The following SEL1L variants were observed in gnomAD, a reference collection of about 807,000 sequenced individuals.
The protein encoded by SEL1L is SEL1L adaptor subunit of SYVN1 ubiquitin ligase.
SEL1L carries 52 observed loss-of-function variants against 109.8 expected under a neutral mutation model. That is an observed-to-expected ratio of 0.47 (90% CI 0.38 to 0.60). The LOEUF (loss-of-function observed/expected upper bound fraction) is 0.60. Among genes scored for constraint, SEL1L ranks in the 20% least tolerant of loss-of-function variants. The probability of loss-of-function intolerance (pLI) is 0.00; values close to 1 mark genes in which losing one functional copy is unlikely to be tolerated. For missense variants in SEL1L, 749 were observed against 962.2 expected (o/e 0.78, Z 2.93); for synonymous variants, 373 against 339.6 (o/e 1.10, Z -1.08).
chr14:81,479,755 A>C lies in SEL1L; in HGVS notation c.2047-15T>G. On this transcript the variant is annotated splice_polypyrimidine_tract_variant and intron_variant, in intron 19 of 20. Transcript: ENST00000336735. ...AGGTGAATATCCTATAATACAGGTAAGAAACAAAAATGCATTTCTTGTCAA... is the reference window on the plus strand; with the variant it reads ...AGGTGAATATCCTATAATACAGGTACGAAACAAAAATGCATTTCTTGTCAA... 1 of 1,576,874 alleles carries C rather than the reference A, an allele frequency of 6.3e-7. No homozygotes were observed. Among genetic ancestry groups the C allele is most frequent in the Non-Finnish European group, 8.6e-7 (1 of 1,162,056 alleles).
intron 6 of SEL1L, among the ~76,000 whole-genome samples, 194 bp downstream of exon 6, chr14:81,502,527 G>A (rs1442721078): frequency 6.6e-6 from 1 of 152,202 alleles, no homozygotes; most frequent in East Asian, 1.9e-4. Context: ...CTGCAAAAAT[G>A]TCTTCCATGA....
intron 3 of SEL1L, among the ~76,000 whole-genome samples, chr14:81,511,067 A>G (rs916243258): frequency 4.6e-5 from 7 of 152,240 alleles, no homozygotes; most frequent in African/African-American, 1.7e-4. Flanking sequence ...TATTTTGGGG[A>G]AAATACCAAT....
In SEL1L at chr14:81,487,338, T is replaced by C. The variant is rs1349833114; in HGVS notation, c.1632+52A>G. 13 of 1,504,426 alleles carry C rather than the reference T, an allele frequency of 8.6e-6. No homozygotes were observed. The East Asian group carries it at 2.9e-4, about 34-fold the overall frequency. The allele number at this position is 1,504,426 out of a possible 1,614,324, so 93.2% of individuals were successfully genotyped here. On this transcript the variant is annotated intron_variant, in intron 16 of 20. Transcript: ENST00000336735. ...AAACCAGAATTGAAAGCGCAGACTT[T>C]CCTGCTGGGCAAATCAACTCCCTAC...
intron 13 of SEL1L, 41 bp from the exon 14 acceptor site, chr14:81,489,355 C>T: frequency 6.6e-7 from 1 of 1,525,738 alleles, no homozygotes. Context: ...GAAAAGAATT[C>T]ATTCAAAAAT....
At chr14:81,502,606 T>C (rs1884060081) in intron 6 of SEL1L, 115 bp downstream of exon 6, 2 of 1,011,566 alleles carry the variant, frequency 2.0e-6, no homozygotes, top group Non-Finnish European at 2.9e-6. Flanking sequence ...GCCACAAAAT[T>C]GGTATTTATC....
At chr14:81,504,725 A>C (rs958143304) in intron 4 of SEL1L, among the ~76,000 whole-genome samples, 4 of 151,968 alleles carry the variant, frequency 2.6e-5, no homozygotes, top group African/African-American at 7.3e-5. Context: ...GCCTGGTGAG[A>C]GGCGACTAGA....
At chr14:81,530,940 A>G (rs112569985) in intron 1 of SEL1L, among the ~76,000 whole-genome samples, 12 of 152,216 alleles carry the variant, frequency 7.9e-5, no homozygotes, top group African/African-American at 2.9e-4. Flanking sequence ...GTACATAAAC[A>G]TAGCTAAACA....
chr14:81,513,922 G>A (rs1884592779), intron 3 of SEL1L, among the ~76,000 whole-genome samples: 1 of 152,270 alleles, frequency 6.6e-6, no homozygotes, highest in Non-Finnish European at 1.5e-5. Flanking sequence ...TCGAAGTCAC[G>A]TCGCCCAAGT....
At chr14:81,516,262 C>G (rs1372304318) in intron 3 of SEL1L, among the ~76,000 whole-genome samples, 1 of 152,178 alleles carries the variant, frequency 6.6e-6, no homozygotes, top group East Asian at 1.9e-4. Flanking sequence ...TGACTTCCTC[C>G]TGGACACTGT....
In SEL1L at chr14:81,497,955, C is replaced by T. The variant is rs768605339; in HGVS notation, c.1065G>A (p.Met355Ile). Residue 355 changes from methionine to isoleucine, a missense_variant, in exon 10 of 21, where the codon ATG becomes ATA. Met to Ile is a conservative substitution (Grantham distance 10). Transcript: ENST00000336735. ...EVENPGMNSG[M>I]LEEDLIQYYQ... Reference sequence around the variant, plus strand: ...AATATTGAATCAAATCTTCTTCTAGCATTCCACTGTTCATTCCTGGATTTT... The same window carrying T: ...AATATTGAATCAAATCTTCTTCTAGTATTCCACTGTTCATTCCTGGATTTT... The T allele has an allele frequency of 1.9e-6, 3 of 1,614,074 alleles. No homozygotes were observed.
At chr14:81,484,183 T>C (rs758825108) in intron 19 of SEL1L, 42 bp downstream of exon 19, 28 of 1,554,042 alleles carry the variant, frequency 1.8e-5, no homozygotes, top group Non-Finnish European at 2.5e-5. Context: ...TTTTCCCCAA[T>C]CACAATTATG....
chr14:81,489,448 ACTTT>A, intron 13 of SEL1L, 134 bp from the exon 14 acceptor site: 1 of 708,666 alleles, frequency 1.4e-6, no homozygotes, highest in Non-Finnish European at 2.4e-6. Context: ...TCAAAACAAA[ACTTT>A]CTTCTTCTCA....
At chr14:81,519,471 G>A (rs115303906) in intron 3 of SEL1L, among the ~76,000 whole-genome samples, 4,091 of 152,314 alleles carry the variant, frequency 0.027, 179 homozygotes, top group African/African-American at 0.094. Context: ...GAAATAGCAA[G>A]AGGGCAAGTT....
Position 81,527,714 on chromosome 14 carries a change from G to T in SEL1L, c.95C>A (p.Ser32Tyr), listed in dbSNP as rs1164594170. ...TTTAGTACATACCTTGGAATCTAAG[G>T]ATTCATCCTGGCTGCCTTCTTCATC... ...SSDEEGSQDE[S>Y]LDSKTTLTSD... The change falls in exon 2 of 21, where the codon TCC becomes TAC. Residue 32 changes from serine (S) to tyrosine (Y), a missense_variant. Ser to Tyr is a moderately radical substitution (Grantham distance 144). Coordinates refer to ENST00000336735, the MANE Select transcript of SEL1L (RefSeq NM_005065.6). 1 of 1,602,650 alleles carries T rather than the reference G, an allele frequency of 6.2e-7. No individual in the cohort carries two copies. Among genetic ancestry groups the T allele is most frequent in the Non-Finnish European group, 8.5e-7 (1 of 1,174,662 alleles).
At chr14:81,522,603 T>A (rs1266643499) in intron 3 of SEL1L, among the ~76,000 whole-genome samples, 1 of 152,156 alleles carries the variant, frequency 6.6e-6, no homozygotes, top group East Asian at 1.9e-4. Context: ...ACTCTATATT[T>A]GCACAACGAT....
chr14:81,531,955 T>A (rs1482089310), intron 1 of SEL1L, among the ~76,000 whole-genome samples: 1 of 152,226 alleles, frequency 6.6e-6, no homozygotes, highest in African/African-American at 2.4e-5. Context: ...ACCATTGAAA[T>A]GTTGTGGCAC....
At chr14:81,516,332 G>A (rs112448835) in intron 3 of SEL1L, among the ~76,000 whole-genome samples, 2,663 of 152,054 alleles carry the variant, frequency 0.018, 31 homozygotes, top group Middle Eastern at 0.02. Flanking sequence ...GTTACCAACC[G>A]AGGAATCCTG....
At chr14:81,483,615 TATTAA>T (rs1903426007) in intron 19 of SEL1L, among the ~76,000 whole-genome samples, 1 of 152,204 alleles carries the variant, frequency 6.6e-6, no homozygotes, top group Non-Finnish European at 1.5e-5. Flanking sequence ...GGTAAGTGGG[TATTAA>T]ATTATTGTTA....
chr14:81,517,572 C>T (rs1485654513), intron 3 of SEL1L, among the ~76,000 whole-genome samples: 1 of 152,138 alleles, frequency 6.6e-6, no homozygotes, highest in Non-Finnish European at 1.5e-5. Flanking sequence ...TCTTCCCTGG[C>T]AGCTGTAATG....
Sources: allele counts gnomAD v4.1 joint callset (sites outside exome capture counted in the v4.1 genomes callset), GRCh38; gene constraint gnomAD v4.1.1; transcripts MANE v1.5; gene names NCBI Gene and HGNC (gene_info 2026-07-23, HGNC 2026-07-21).